CFAP20DC: variants seen among roughly 807,000 people sequenced by gnomAD.
CFAP20DC encodes CFAP20 domain containing, also known as protein CFAP20DC.
A neutral mutation model predicts 101.7 loss-of-function variants in CFAP20DC; 84 were observed. The observed-to-expected ratio is 0.83, with a 90% CI of 0.69 to 0.99. The LOEUF (loss-of-function observed/expected upper bound fraction) is 0.99, where lower values mean the gene tolerates loss of function less well. CFAP20DC is among the 50% of genes least tolerant of loss of function. The pLI is 0.00. For missense variants in CFAP20DC, 1,007 were observed against 970.3 expected (o/e 1.04, Z -0.50); for synonymous variants, 359 against 351.2 (o/e 1.02, Z -0.25).
At position 59,002,210 on chromosome 3, in the gene CFAP20DC, A is replaced by G. The variant is rs565282584; in HGVS notation, c.278+37347T>C. On this transcript the variant is annotated intron_variant, in intron 4 of 16. Transcript: ENST00000482387. This position sits in a 1 kb window ranked among gnomAD's most constrained non-coding sequence, Gnocchi z 4.5. ...TCTACAAAATGGAACAAAGGGGAAT[A>G]AATACCTCTTACTCCCAGTAGTTGA... is the stretch of plus-strand genomic sequence containing the variant. 6.1e-4 allele frequency among the ~76,000 whole-genome samples: 93 copies of G among 152,324 alleles called. 2 individuals carry two copies. In the South Asian group the frequency reaches 0.019, roughly 31 times the overall value.
At chr3:58,780,877 C>T (rs554835911) in intron 15 of CFAP20DC, among the ~76,000 whole-genome samples, 4 of 151,990 alleles carry the variant, frequency 2.6e-5, no homozygotes, top group African/African-American at 9.6e-5. Context: ...GTCAGATCAT[C>T]TAGACAGAAA....
rs75936633 is a variant in CFAP20DC, at chr3:58,991,987, A to G, written c.278+47570T>C. ...ACATTATTACTGCTGCTAAACACAT[A>G]GTAAGCAAACTATTGTTATTAAGTT... is the stretch of plus-strand genomic sequence containing the variant. On this transcript the variant is annotated intron_variant, in intron 4 of 16. Coordinates refer to ENST00000482387, the MANE Select transcript of CFAP20DC (RefSeq NM_001394063.1). Among the ~76,000 whole-genome samples, 111 of 152,378 alleles carry G rather than the reference A, an allele frequency of 7.3e-4. 4 individuals are homozygous for G. In the East Asian group the frequency reaches 0.011, roughly 15 times the overall value.
chr3:59,041,897 C>A (rs578083166), intron 3 of CFAP20DC, among the ~76,000 whole-genome samples: 2 of 152,152 alleles, frequency 1.3e-5, no homozygotes, highest in African/African-American at 4.8e-5. Context: ...ATTAGGTCTA[C>A]CATGCAACGA....
At chr3:58,815,613 A>C (rs2075055481) in intron 14 of CFAP20DC, among the ~76,000 whole-genome samples, 1 of 151,578 alleles carries the variant, frequency 6.6e-6, no homozygotes, top group Non-Finnish European at 1.5e-5. Context: ...TGCTCATCTG[A>C]CAAAGGGCTA....
chr3:58,754,979 A>G (rs1443791693), intron 15 of CFAP20DC, among the ~76,000 whole-genome samples: 3 of 152,196 alleles, frequency 2.0e-5, no homozygotes, highest in Non-Finnish European at 2.9e-5. Flanking sequence ...TTCATTATCA[A>G]TGAAGATCAT....
Position 59,049,666 on chromosome 3 carries a change from G to GTT in CFAP20DC, c.-37_-36dup. On this transcript the variant is annotated 5_prime_UTR_variant, in exon 1 of 17. Coordinates refer to ENST00000482387, the MANE Select transcript of CFAP20DC (RefSeq NM_001394063.1). ...GGGCCCAGGGCTTGGGGGGCACAGA[G>GTT]TTCAGGGTTTCCAGCGAGTGGCGTG... The GTT allele has an allele frequency of 6.5e-7, 1 of 1,534,820 alleles. No homozygotes were observed. Among genetic ancestry groups the GTT allele is most frequent in the East Asian group, 2.4e-5 (1 of 40,900 alleles).
chr3:58,925,896 C>G (rs549530504), intron 5 of CFAP20DC, among the ~76,000 whole-genome samples: 1 of 152,092 alleles, frequency 6.6e-6, no homozygotes, highest in East Asian at 1.9e-4. Flanking sequence ...ATGGGGTGAC[C>G]CTAAAACTAA....
At position 58,851,438 on chromosome 3, in the gene CFAP20DC, T is replaced by G. The variant is rs182654639; in HGVS notation, c.1594-2029A>C. On this transcript the variant is annotated intron_variant, in intron 12 of 16. Coordinates refer to ENST00000482387, the MANE Select transcript of CFAP20DC (RefSeq NM_001394063.1). ...CAGAGTATATCATACTGAGTAATTC[T>G]TGCAGTCTCTTACACAGAGTATGAG... 1.3e-4 allele frequency among the ~76,000 whole-genome samples: 20 copies of G among 152,298 alleles called. No homozygotes were observed. The East Asian group carries it at 2.9e-3, about 22-fold the overall frequency.
At chr3:58,745,565 A>G (rs913580100) in intron 16 of CFAP20DC, among the ~76,000 whole-genome samples, 5 of 152,322 alleles carry the variant, frequency 3.3e-5, no homozygotes, top group African/African-American at 1.2e-4. Flanking sequence ...TGGGAATAAC[A>G]ATGCCTATTT....
intron 15 of CFAP20DC, among the ~76,000 whole-genome samples, chr3:58,780,813 A>G (rs905596679): frequency 6.6e-6 from 1 of 152,020 alleles, no homozygotes; most frequent in Non-Finnish European, 1.5e-5. Context: ...AAAGGGAGAG[A>G]TAGACTCCAA....
rs1429380989 is a variant in CFAP20DC, at chr3:59,049,662, C to A, written c.-31G>T. The stretch of plus-strand genomic sequence containing the variant: ...CAGGGGGCCCAGGGCTTGGGGGGCA[C>A]AGAGTTCAGGGTTTCCAGCGAGTGG... On this transcript the variant is annotated 5_prime_UTR_variant, in exon 1 of 17. Transcript: ENST00000482387. The A allele has an allele frequency of 1.3e-6, 2 of 1,535,496 alleles. No homozygotes were observed. Among genetic ancestry groups the A allele is most frequent in the Non-Finnish European group, 1.7e-6 (2 of 1,146,552 alleles).
intron 4 of CFAP20DC, among the ~76,000 whole-genome samples, chr3:59,022,922 C>A (rs1162608650): frequency 2.0e-5 from 3 of 152,036 alleles, no homozygotes; most frequent in Non-Finnish European, 2.9e-5. Context: ...TCAAGAAATA[C>A]ATGACCATTT....
intron 15 of CFAP20DC, among the ~76,000 whole-genome samples, chr3:58,757,268 C>A (rs1438987290): frequency 6.6e-6 from 1 of 152,032 alleles, no homozygotes; most frequent in Non-Finnish European, 1.5e-5. Flanking sequence ...GAGGTGAGAA[C>A]TGATACTTTA....
intron 4 of CFAP20DC, among the ~76,000 whole-genome samples, chr3:58,943,308 G>A (rs970116724): frequency 1.3e-5 from 2 of 152,146 alleles, no homozygotes; most frequent in African/African-American, 2.4e-5. Context: ...CAATAGACAC[G>A]TCATACAGGA....
At chr3:58,923,105 C>A (rs939281856) in intron 5 of CFAP20DC, among the ~76,000 whole-genome samples, 4 of 152,098 alleles carry the variant, frequency 2.6e-5, no homozygotes, top group African/African-American at 7.2e-5. Flanking sequence ...TGGGGTTTCG[C>A]CATGCTGCCC....
rs142742478 is a variant in CFAP20DC, at chr3:58,988,406, T to C, written c.279-50644A>G. Among the ~76,000 whole-genome samples, 89 of 152,328 alleles carry C rather than the reference T, an allele frequency of 5.8e-4. 1 individual carries two copies. The highest frequency in any genetic ancestry group is 3.4e-3 in the Middle Eastern group (1 of 294). On this transcript the variant is annotated intron_variant, in intron 4 of 16. Coordinates refer to ENST00000482387, the MANE Select transcript of CFAP20DC (RefSeq NM_001394063.1). Reference sequence around the variant, plus strand: ...TTAACATGTAAAAGATTATGTCTTCTTCGCACTACATGTTCCATGGGGCAG... The same window carrying C: ...TTAACATGTAAAAGATTATGTCTTCCTCGCACTACATGTTCCATGGGGCAG...
chr3:58,822,100 T>C (rs1575765388), intron 14 of CFAP20DC, among the ~76,000 whole-genome samples: 1 of 117,650 alleles, frequency 8.5e-6, no homozygotes, highest in Admixed American at 1.1e-4. Flanking sequence ...AACAATGAGA[T>C]CACATGGACA....
At chr3:58,727,788 T>C (rs1036423965) in intron 3 of CFAP20DC, 3 of 152,234 alleles carry the variant, frequency 2.0e-5, no homozygotes, top group African/African-American at 7.2e-5. Flanking sequence ...CTTCAATCTA[T>C]TGGGCTTGAT....
At chr3:58,972,518 A>T (rs1183376604) in intron 4 of CFAP20DC, among the ~76,000 whole-genome samples, 1 of 152,184 alleles carries the variant, frequency 6.6e-6, no homozygotes, top group Admixed American at 6.6e-5. Context: ...AGTGAAATAC[A>T]CTGGTGCCAT....
Sources: gnomAD v4.1 joint callset for allele counts (sites outside exome capture counted in the v4.1 genomes callset) on GRCh38, gnomAD v4.1.1 for gene constraint, Gnocchi (gnomAD v3.1) non-coding constraint, MANE v1.5 for transcripts, NCBI Gene and HGNC (gene_info 2026-07-23, HGNC 2026-07-21) for gene names.